The following TRERF1 variants were observed in gnomAD, a reference collection of about 807,000 sequenced individuals.
The protein encoded by TRERF1 is transcriptional regulating factor 1.
A neutral mutation model predicts 122.9 loss-of-function variants in TRERF1; 27 were observed. The ratio of observed to expected loss-of-function variants is 0.22; its 90% CI spans 0.16 to 0.30. The LOEUF is 0.30. Among genes scored for constraint, TRERF1 ranks in the 10% least tolerant of loss-of-function variants. The pLI is 1.00. For missense variants in TRERF1, 1,248 were observed against 1,560.3 expected, an observed-to-expected ratio of 0.80 and a Z score of 3.37; for synonymous variants, 636 against 641.7, an observed-to-expected ratio of 0.99 and a Z score of 0.13.
At chr6:42,293,080 T>C (rs1219290045) in intron 4 of TRERF1, among the ~76,000 whole-genome samples, 1 of 152,226 alleles carries the variant, frequency 6.6e-6, no homozygotes. Flanking sequence ...GAGTGGCCTC[T>C]GTGGCCACAT....
intron 2 of TRERF1, among the ~76,000 whole-genome samples, chr6:42,366,259 T>C (rs933381490): frequency 6.6e-6 from 1 of 152,216 alleles, no homozygotes; most frequent in African/African-American, 2.4e-5. Flanking sequence ...GAATCGTGTA[T>C]TGACAATGCT....
At chr6:42,261,804 C>A (rs958923625) in intron 8 of TRERF1, among the ~76,000 whole-genome samples, 1 of 152,186 alleles carries the variant, frequency 6.6e-6, no homozygotes, top group African/African-American at 2.4e-5. Context: ...TTCCATTAAG[C>A]CAAGTTCATC....
intron 2 of TRERF1, among the ~76,000 whole-genome samples, chr6:42,411,108 C>T (rs920107022): frequency 1.3e-5 from 2 of 152,194 alleles, no homozygotes; most frequent in African/African-American, 4.8e-5. Context: ...GGGCAACCCT[C>T]TGCAACTCAG....
chr6:42,259,288 G>A lies in TRERF1; in HGVS notation c.2269+51C>T. On this transcript the variant is annotated intron_variant, in intron 9 of 17. Coordinates refer to ENST00000372922, the Ensembl canonical transcript of TRERF1. The surrounding 1 kb of genome is among the most constrained non-coding windows in gnomAD (Gnocchi z 4.9). ...AAGCTAAAGAAAACGAGATGTCCCA[G>A]GACTTTACCCAGCACCCAGAGCCCA... 6.8e-7 allele frequency: 1 copy of A among 1,473,044 alleles called. No homozygotes were observed. The highest frequency in any genetic ancestry group is 8.9e-7 in the Non-Finnish European group (1 of 1,120,662). 91.2% of individuals were successfully genotyped at this position (1,473,044 alleles called of 1,614,324 possible).
chr6:42,343,906 T>C (rs1767771218), intron 3 of TRERF1, among the ~76,000 whole-genome samples: 1 of 152,230 alleles, frequency 6.6e-6, no homozygotes, highest in Admixed American at 6.5e-5. Flanking sequence ...GACTGACGCA[T>C]AACTGACCGC....
At chr6:42,420,502 T>G (rs1371101959) in intron 2 of TRERF1, among the ~76,000 whole-genome samples, 1 of 152,192 alleles carries the variant, frequency 6.6e-6, no homozygotes, top group Non-Finnish European at 1.5e-5. Context: ...TAATTAGAGT[T>G]TTTTGTTGCA....
intron 15 of TRERF1, among the ~76,000 whole-genome samples, chr6:42,237,319 G>C (rs1030319157): frequency 6.6e-6 from 1 of 152,148 alleles, no homozygotes. Flanking sequence ...CAACGATCCA[G>C]GAGGCTCTCA....
intron 3 of TRERF1, among the ~76,000 whole-genome samples, chr6:42,344,637 A>G (rs533706): frequency 0.059 from 9,023 of 151,936 alleles, 719 homozygotes; most frequent in African/African-American, 0.18. Flanking sequence ...TGCTACTAAG[A>G]CTCTGCTAGG....
At chr6:42,230,821 C>A (rs961256030) in intron 17 of TRERF1, among the ~76,000 whole-genome samples, 1 of 152,130 alleles carries the variant, frequency 6.6e-6, no homozygotes, top group Non-Finnish European at 1.5e-5. Context: ...TGGTGGGTGC[C>A]ATCAAGCTGG....
intron 13 of TRERF1, among the ~76,000 whole-genome samples, chr6:42,250,478 G>A (rs1417709717): frequency 1.3e-5 from 2 of 152,092 alleles, no homozygotes; most frequent in Non-Finnish European, 2.9e-5. Context: ...CTTAGACAAG[G>A]TTCTCTAAGC....
rs961932976 is a variant in TRERF1, at chr6:42,228,200, AT to A, written c.*144del. ...TTTAAATAAAAGGAAAAGAAATAGG[AT>A]TTTTTTTTCTAAACCTGAATAAAAT... On this transcript the variant is annotated 3_prime_UTR_variant, in exon 18 of 18. Transcript: ENST00000372922. The surrounding 1 kb of genome is among the most constrained non-coding windows in gnomAD (Gnocchi z 4.2). The A allele has an allele frequency of 9.4e-5, 67 of 710,220 alleles. No homozygotes were observed. The Middle Eastern group carries it at 1.3e-3, about 13-fold the overall frequency. 44.0% of individuals were successfully genotyped at this position (710,220 alleles called of 1,614,324 possible).
intron 4 of TRERF1, among the ~76,000 whole-genome samples, chr6:42,298,974 AC>A (rs955581731): frequency 6.6e-6 from 1 of 151,788 alleles, no homozygotes; most frequent in African/African-American, 2.4e-5. Context: ...AAACAAACAA[AC>A]AAAAAAAGCT....
chr6:42,394,490 T>C (rs1778251220), intron 2 of TRERF1, among the ~76,000 whole-genome samples: 1 of 152,158 alleles, frequency 6.6e-6, no homozygotes, highest in Non-Finnish European at 1.5e-5. Flanking sequence ...TACCTAGTCA[T>C]TGCTTCCAAC....
chr6:42,369,754 G>A (rs1773429825), intron 2 of TRERF1, among the ~76,000 whole-genome samples: 1 of 151,868 alleles, frequency 6.6e-6, no homozygotes, highest in South Asian at 2.1e-4. Flanking sequence ...GCCCTCTCTG[G>A]CCCAGTCTCC....
chr6:42,436,500 AG>A (rs1158923189), intron 2 of TRERF1, among the ~76,000 whole-genome samples: 1 of 152,162 alleles, frequency 6.6e-6, no homozygotes, highest in Non-Finnish European at 1.5e-5. Context: ...ATATTTATTA[AG>A]AACTTACTAT....
chr6:42,258,982 G>T (rs1487802191), intron 9 of TRERF1, among the ~76,000 whole-genome samples: 1 of 152,078 alleles, frequency 6.6e-6, no homozygotes, highest in African/African-American at 2.4e-5. Context: ...TGATCCACCC[G>T]CCTCGACCTC....
At chr6:42,341,516 A>C (rs1290887354) in intron 3 of TRERF1, among the ~76,000 whole-genome samples, 1 of 152,148 alleles carries the variant, frequency 6.6e-6, no homozygotes, top group Non-Finnish European at 1.5e-5. Flanking sequence ...AACAGGAGGG[A>C]GCAGGCGTAG....
chr6:42,310,622 A>G (rs1037538341), intron 3 of TRERF1, among the ~76,000 whole-genome samples: 2 of 152,222 alleles, frequency 1.3e-5, no homozygotes, highest in African/African-American at 4.8e-5. Context: ...GACAGCCCCC[A>G]GCAAAGGACG....
intron 2 of TRERF1, among the ~76,000 whole-genome samples, chr6:42,418,806 T>A (rs1265599838): frequency 4.6e-5 from 7 of 152,146 alleles, no homozygotes; most frequent in Non-Finnish European, 8.8e-5. Flanking sequence ...AGGGCTGCCT[T>A]AAAGCCAATA....
Sources: gnomAD v4.1 joint callset for allele counts (sites outside exome capture counted in the v4.1 genomes callset) on GRCh38, gnomAD v4.1.1 for gene constraint, Gnocchi (gnomAD v3.1) non-coding constraint, MANE v1.5 for transcripts, NCBI Gene and HGNC (gene_info 2026-07-23, HGNC 2026-07-21) for gene names.